TENM2: variants seen among roughly 807,000 people sequenced by gnomAD.
The protein encoded by TENM2 is teneurin transmembrane protein 2.
TENM2 carries 52 observed loss-of-function variants against 245.2 expected under a neutral mutation model. That is an observed-to-expected ratio of 0.21 (90% CI 0.17 to 0.27). The LOEUF (loss-of-function observed/expected upper bound fraction) is 0.27. Among genes scored for constraint, TENM2 ranks in the 10% least tolerant of loss-of-function variants. The pLI is 1.00. For synonymous variants in TENM2, 1,363 were observed against 1,438.9 expected, an observed-to-expected ratio of 0.95 and a Z score of 1.19; for missense variants, 3,046 against 3,666.8, an observed-to-expected ratio of 0.83 and a Z score of 4.37.
At chr5:167,910,084 A>G (rs951561919) in intron 3 of TENM2, among the ~76,000 whole-genome samples, 2 of 152,144 alleles carry the variant, frequency 1.3e-5, no homozygotes, top group Admixed American at 1.3e-4. Context: ...TGTGTAATTT[A>G]TCTATCTACA....
intron 2 of TENM2, among the ~76,000 whole-genome samples, chr5:167,789,312 G>A (rs1055505822): frequency 3.3e-5 from 5 of 152,186 alleles, no homozygotes; most frequent in Admixed American, 6.5e-5. Context: ...TCCCAAGTAA[G>A]AGCTACCCAT....
the TENM2 span, among the ~76,000 whole-genome samples, chr5:167,039,908 AGT>A: frequency 2.6e-5 from 4 of 152,142 alleles, no homozygotes; most frequent in Admixed American, 1.3e-4. Flanking sequence ...TTCTGAGAGG[AGT>A]TATGTTTGAA....
In TENM2 at chr5:167,352,072, T is replaced by C. The variant is rs532404217; in HGVS notation, c.227-23126T>C. 3.9e-5 allele frequency among the ~76,000 whole-genome samples: 6 copies of C among 152,328 alleles called. No homozygotes were observed. The East Asian group carries it at 1.2e-3, about 29-fold the overall frequency. ...ATTTGGACTGTCCTTTTTCAAATTT[T>C]ATTTTTTGCTATCATTTATCAATAG... On this transcript the variant is annotated intron_variant, in intron 1 of 28. Transcript: ENST00000518659.
intron 2 of TENM2, among the ~76,000 whole-genome samples, chr5:167,429,715 T>C (rs1204268625): frequency 2.0e-5 from 3 of 149,018 alleles, no homozygotes; most frequent in Non-Finnish European, 3.0e-5. Context: ...CAAGCGATTC[T>C]CCTGCCTCAG....
At chr5:168,135,185 C>T (rs989757883) in intron 12 of TENM2, among the ~76,000 whole-genome samples, 3 of 152,196 alleles carry the variant, frequency 2.0e-5, no homozygotes, top group South Asian at 2.1e-4. Context: ...ATTCCTCCCA[C>T]GCTGCAATTT....
At chr5:167,203,895 A>G in the TENM2 span, among the ~76,000 whole-genome samples, 1 of 152,204 alleles carries the variant, frequency 6.6e-6, no homozygotes, top group Non-Finnish European at 1.5e-5. Context: ...ACAGAGAGAA[A>G]GAAGAGGAAA....
At chr5:167,096,751 G>A in the TENM2 span, among the ~76,000 whole-genome samples, 4 of 152,166 alleles carry the variant, frequency 2.6e-5, no homozygotes, top group Admixed American at 1.3e-4. Context: ...CAGCTGTAAT[G>A]AGAACTGATA....
At chr5:167,734,589 G>A (rs927835110) in intron 2 of TENM2, among the ~76,000 whole-genome samples, 2 of 151,644 alleles carry the variant, frequency 1.3e-5, no homozygotes, top group Non-Finnish European at 2.9e-5. Flanking sequence ...TGTGCCAAAC[G>A]AATGGCATTC....
the TENM2 span, among the ~76,000 whole-genome samples, chr5:167,127,333 T>C: frequency 6.6e-6 from 1 of 152,222 alleles, no homozygotes; most frequent in African/African-American, 2.4e-5. Context: ...ATAGCTTTGC[T>C]GAAAACAGCA....
At chr5:167,815,972 T>TTGTGTGTGTG (rs34151147) in intron 2 of TENM2, among the ~76,000 whole-genome samples, 3 of 144,020 alleles carry the variant, frequency 2.1e-5, no homozygotes, top group African/African-American at 7.7e-5. Context: ...TTATGATCCT[T>TTGTGTGTGTG]TGTGTGTGTG....
chr5:167,900,703 G>A lies in TENM2; in HGVS notation c.712+24508G>A, dbSNP rs76865990. Among the ~76,000 whole-genome samples, 1,263 of 152,222 alleles carry A rather than the reference G, an allele frequency of 8.3e-3. 16 individuals carry two copies. Among genetic ancestry groups the A allele is most frequent in the African/African-American group, 0.029 (1,184 of 41,526 alleles). ...AATTTTCTTGTTAATCACTGCGTTGGTTAATAACCACCTAGTTATGACCGT... is the reference window on the plus strand; with the variant it reads ...AATTTTCTTGTTAATCACTGCGTTGATTAATAACCACCTAGTTATGACCGT... On this transcript the variant is annotated intron_variant, in intron 3 of 28. Coordinates refer to ENST00000518659, the Ensembl canonical transcript of TENM2.
chr5:167,846,302 T>C (rs925178262), intron 2 of TENM2, among the ~76,000 whole-genome samples: 4 of 152,226 alleles, frequency 2.6e-5, no homozygotes, highest in Admixed American at 6.5e-5. Context: ...ATTTGAAGTG[T>C]TAGTAAACAC....
chr5:167,726,614 A>G (rs1053946441), intron 2 of TENM2, among the ~76,000 whole-genome samples: 2 of 151,948 alleles, frequency 1.3e-5, no homozygotes, highest in Non-Finnish European at 2.9e-5. Context: ...ATGCACCACC[A>G]CACCTAGCTA....
rs191895491 is a variant in TENM2 at position 167,588,238 on chromosome 5, G to T, written c.502+212765G>T. Among the ~76,000 whole-genome samples, 6 of 152,320 alleles carry T rather than the reference G, an allele frequency of 3.9e-5. No individual in the cohort carries two copies. In the South Asian group the frequency reaches 1.0e-3, roughly 26 times the overall value. On this transcript the variant is annotated intron_variant, in intron 2 of 28. Coordinates refer to ENST00000518659, the Ensembl canonical transcript of TENM2. ...TTGGAGAGGAATTCTCCTTGTCTCC[G>T]TATTCAAAATATCTTGATTGTCCAC... is the stretch of plus-strand genomic sequence containing the variant.
chr5:167,558,552 T>A (rs1255047497), intron 2 of TENM2, among the ~76,000 whole-genome samples: 1 of 152,136 alleles, frequency 6.6e-6, no homozygotes, highest in Non-Finnish European at 1.5e-5. Context: ...TAGATTCGCA[T>A]AGGAGCATGA....
intron 23 of TENM2, among the ~76,000 whole-genome samples, chr5:168,221,465 A>G (rs994378924): frequency 1.3e-5 from 2 of 152,192 alleles, no homozygotes; most frequent in Admixed American, 1.3e-4. Flanking sequence ...ATTGCACACT[A>G]GCGTTGTAAA....
At chr5:168,183,409 G>T (rs1760102622) in intron 13 of TENM2, among the ~76,000 whole-genome samples, 2 of 152,040 alleles carry the variant, frequency 1.3e-5, no homozygotes, top group Non-Finnish European at 2.9e-5. Flanking sequence ...TTTGACTGGG[G>T]TGCTGCATAC....
At chr5:167,750,592 C>T (rs1015057687) in intron 2 of TENM2, among the ~76,000 whole-genome samples, 3 of 152,138 alleles carry the variant, frequency 2.0e-5, no homozygotes, top group African/African-American at 7.2e-5. Flanking sequence ...TCCTAGAACA[C>T]ACGATAGTGG....
At chr5:168,257,718 C>G (rs539311440) in intron 27 of TENM2, among the ~76,000 whole-genome samples, 1 of 151,138 alleles carries the variant, frequency 6.6e-6, no homozygotes. Flanking sequence ...CGGGTTCAAG[C>G]GATTCTCCTG....
Sources: allele counts gnomAD v4.1 joint callset (sites outside exome capture counted in the v4.1 genomes callset), GRCh38; gene constraint gnomAD v4.1.1; transcripts MANE v1.5; gene names NCBI Gene and HGNC (gene_info 2026-07-23, HGNC 2026-07-21).